Variants in KCNH1 observed in about 807,000 individuals in gnomAD.
KCNH1 encodes the protein potassium voltage-gated channel subfamily H member 1.
KCNH1 carries 27 observed loss-of-function variants against 69.2 expected under a neutral mutation model. The observed-to-expected ratio is 0.39, with a 90% CI of 0.29 to 0.54. KCNH1 has a LOEUF of 0.54. Among genes scored for constraint, KCNH1 ranks in the 20% least tolerant of loss-of-function variants. KCNH1 has a pLI of 0.68. For synonymous variants in KCNH1, 456 were observed against 487.7 expected (o/e 0.93, Z 0.86); for missense variants, 798 against 1,261.6 (o/e 0.63, Z 5.57).
chr1:211,054,182 T>C (rs192016285), intron 5 of KCNH1, among the ~76,000 whole-genome samples: 1 of 151,882 alleles, frequency 6.6e-6, no homozygotes, highest in Non-Finnish European at 1.5e-5. Context: ...CTCAGGAGTC[T>C]GAGGCAAGAG....
intron 5 of KCNH1, among the ~76,000 whole-genome samples, chr1:211,046,213 T>C (rs1284467947): frequency 6.6e-6 from 1 of 152,250 alleles, no homozygotes; most frequent in Non-Finnish European, 1.5e-5. Flanking sequence ...AAGAGCCTGA[T>C]TTTAATTCCT....
chr1:210,796,166 A>AG (rs939142454), intron 9 of KCNH1, among the ~76,000 whole-genome samples: 1 of 151,704 alleles, frequency 6.6e-6, no homozygotes, highest in Non-Finnish European at 1.5e-5. Context: ...AAAAAAAAAA[A>AG]AAATTATCAT....
At chr1:210,896,297 T>A (rs1348788334) in intron 7 of KCNH1, among the ~76,000 whole-genome samples, 1 of 147,398 alleles carries the variant, frequency 6.8e-6, no homozygotes, top group Non-Finnish European at 1.5e-5. Context: ...ACGGGATCTT[T>A]AAAAAAAAAA....
chr1:210,871,075 T>G (rs1373082632), intron 7 of KCNH1, among the ~76,000 whole-genome samples: 1 of 152,166 alleles, frequency 6.6e-6, no homozygotes, highest in Non-Finnish European at 1.5e-5. Context: ...CTAAAGAGCT[T>G]CTGCACAGCA....
chr1:210,846,305 C>T (rs1456515291), intron 7 of KCNH1, among the ~76,000 whole-genome samples: 1 of 152,206 alleles, frequency 6.6e-6, no homozygotes, highest in African/African-American at 2.4e-5. Flanking sequence ...AACCTGGAGG[C>T]ATCACGCTGC....
intron 9 of KCNH1, among the ~76,000 whole-genome samples, chr1:210,785,397 GT>G (rs34506008): frequency 0.17 from 24,670 of 141,232 alleles, 2,486 homozygotes; most frequent in Non-Finnish European, 0.26. Context: ...CTCTTACTCT[GT>G]TTTTTTTTTT....
At chr1:210,788,444 C>T (rs1268621216) in intron 9 of KCNH1, among the ~76,000 whole-genome samples, 4 of 152,090 alleles carry the variant, frequency 2.6e-5, no homozygotes, top group African/African-American at 9.7e-5. Flanking sequence ...TTCAACCAAT[C>T]CCTCTGTCTA....
chr1:210,778,226 A>G (rs1165221315), intron 9 of KCNH1, among the ~76,000 whole-genome samples: 2 of 152,226 alleles, frequency 1.3e-5, no homozygotes, highest in African/African-American at 4.8e-5. Context: ...CAGCCCACAG[A>G]ATGGAAGAAA....
intron 6 of KCNH1, among the ~76,000 whole-genome samples, chr1:210,954,121 G>A (rs1688116788): frequency 6.7e-6 from 1 of 150,310 alleles, no homozygotes; most frequent in Non-Finnish European, 1.5e-5. Context: ...TGTTCTCATT[G>A]TTCAGTTCCC....
chr1:210,783,429 T>C (rs1202381988), intron 9 of KCNH1, among the ~76,000 whole-genome samples: 1 of 152,240 alleles, frequency 6.6e-6, no homozygotes, highest in African/African-American at 2.4e-5. Flanking sequence ...TTTCCTCTTA[T>C]GGTAATGAAC....
At chr1:210,792,472 C>A (rs1032916033) in intron 9 of KCNH1, among the ~76,000 whole-genome samples, 8 of 152,120 alleles carry the variant, frequency 5.3e-5, no homozygotes, top group African/African-American at 1.9e-4. Context: ...ATCAAAGAGT[C>A]TGGGGCTCAC....
chr1:210,796,154 C>A (rs1368693114), intron 9 of KCNH1, among the ~76,000 whole-genome samples: 98 of 134,126 alleles, frequency 7.3e-4, no homozygotes, highest in South Asian at 1.0e-3. Context: ...GATTCCGTCT[C>A]AAAAAAAAAA....
intron 4 of KCNH1, among the ~76,000 whole-genome samples, chr1:211,087,285 T>C (rs1195073950): frequency 1.3e-5 from 2 of 152,322 alleles, no homozygotes; most frequent in Admixed American, 6.5e-5. Flanking sequence ...GAAGTAAATA[T>C]GTGAATCTTT....
chr1:210,812,484 G>A lies in KCNH1; in HGVS notation c.1463-8318C>T, dbSNP rs371370160. 1.6e-4 allele frequency among the ~76,000 whole-genome samples: 24 copies of A among 152,204 alleles called. No individual in the cohort carries two copies. In the East Asian group the frequency reaches 3.1e-3, roughly 20 times the overall value. On this transcript the variant is annotated intron_variant, in intron 7 of 10. Transcript: ENST00000271751. The stretch of plus-strand genomic sequence containing the variant: ...ATATCCATTAAGATTACACCTTACT[G>A]CTGCTTATTTTAAGGAGACTTAATA...
Position 210,797,581 on chromosome 1 carries a change from G to A in KCNH1, c.1842C>T (p.Ser614=), listed in dbSNP as rs1408795000. ...PGDLIYHAGE[S]VDSLCFVVSG... The stretch of plus-strand genomic sequence containing the variant: ...AAACCACAAAGCAGAGGCTGTCAAC[G>A]CTCTCTCCTGCATGGTAGATGAGGT... The change falls in exon 9 of 11, where the codon AGC becomes AGT. Residue 614 remains serine (S), a synonymous_variant. Coordinates refer to ENST00000271751, the MANE Select transcript of KCNH1 (RefSeq NM_172362.3). The A allele has an allele frequency of 9.9e-6, 16 of 1,614,106 alleles. No individual in the cohort carries two copies. Among genetic ancestry groups the A allele is most frequent in the South Asian group, 5.5e-5 (5 of 91,070 alleles).
intron 1 of KCNH1, among the ~76,000 whole-genome samples, chr1:211,117,308 G>C (rs977589692): frequency 2.0e-5 from 3 of 152,178 alleles, no homozygotes; most frequent in African/African-American, 7.2e-5. Flanking sequence ...CTGCCTCCTT[G>C]CATTCACGCC....
At chr1:210,960,524 T>C (rs1449375063) in intron 6 of KCNH1, among the ~76,000 whole-genome samples, 1 of 152,244 alleles carries the variant, frequency 6.6e-6, no homozygotes, top group Non-Finnish European at 1.5e-5. Flanking sequence ...AATCATACAG[T>C]GTACACTCTG....
intron 7 of KCNH1, among the ~76,000 whole-genome samples, chr1:210,913,129 C>T (rs1160843875): frequency 6.6e-6 from 1 of 152,114 alleles, no homozygotes; most frequent in African/African-American, 2.4e-5. Context: ...AAAATGGGGG[C>T]ACCCAACTGA....
chr1:210,873,031 T>C (rs984415130), intron 7 of KCNH1, among the ~76,000 whole-genome samples: 1 of 152,244 alleles, frequency 6.6e-6, no homozygotes, highest in Admixed American at 6.5e-5. Context: ...TCCTTTCAAG[T>C]CCTACTGGGC....
Sources: allele counts gnomAD v4.1 joint callset (sites outside exome capture counted in the v4.1 genomes callset), GRCh38; gene constraint gnomAD v4.1.1; transcripts MANE v1.5; gene names NCBI Gene and HGNC (gene_info 2026-07-23, HGNC 2026-07-21).